The following FAM53A variants were observed in gnomAD, a reference collection of about 807,000 sequenced individuals.
The protein encoded by FAM53A is protein FAM53A.
A neutral mutation model predicts 26.6 loss-of-function variants in FAM53A; 28 were observed. The ratio of observed to expected loss-of-function variants is 1.05; its 90% CI spans 0.78 to 1.45. The LOEUF is 1.45. FAM53A is among the 40% of genes most tolerant of loss of function. The probability of loss-of-function intolerance (pLI) is 0.00; values close to 1 mark genes in which losing one functional copy is unlikely to be tolerated. For missense variants in FAM53A, 650 were observed against 575.8 expected, an observed-to-expected ratio of 1.13 and a Z score of -1.32; for synonymous variants, 290 against 253.1, an observed-to-expected ratio of 1.15 and a Z score of -1.38.
chr4:1,642,601 G>A (rs1379884858), intron 4 of FAM53A, among the ~76,000 whole-genome samples: 1 of 152,176 alleles, frequency 6.6e-6, no homozygotes, highest in Non-Finnish European at 1.5e-5. Flanking sequence ...CCCAGCAGGT[G>A]TGTCCAGCTG....
intron 1 of FAM53A, among the ~76,000 whole-genome samples, chr4:1,682,264 CTTT>C (rs3993306): frequency 2.3e-4 from 30 of 130,264 alleles, no homozygotes; most frequent in Non-Finnish European, 3.5e-4. Flanking sequence ...TTTTAATTTC[CTTT>C]TTTTTTTTTT....
chr4:1,657,467 AACTG>A lies in FAM53A; in HGVS notation c.76-3_76del. 6.2e-7 allele frequency: 1 copy of A among 1,613,646 alleles called. No homozygotes were observed. Among genetic ancestry groups the A allele is most frequent in the Non-Finnish European group, 8.5e-7 (1 of 1,179,784 alleles). ...GTTCAGGGTTTCCGCAGAATACTGC[AACTG>A]ACAGGAAAGAGAAGTTTCAATACTG... On this transcript the variant is annotated splice_acceptor_variant and splice_polypyrimidine_tract_variant and coding_sequence_variant and intron_variant, in exon 3 of 5. Transcript: ENST00000308132. LOFTEE classifies it high-confidence loss of function.
chr4:1,617,506 C>T (rs1330560249), downstream of FAM53A, among the ~76,000 whole-genome samples: 1 of 152,160 alleles, frequency 6.6e-6, no homozygotes, highest in Non-Finnish European at 1.5e-5. Flanking sequence ...TCAAGAATCA[C>T]ATCAGTCGGT....
the FAM53A span, among the ~76,000 whole-genome samples, chr4:1,612,011 G>A: frequency 5.3e-5 from 8 of 152,152 alleles, no homozygotes; most frequent in Admixed American, 1.3e-4. Flanking sequence ...GAAATCTCCC[G>A]GAAAATTTAT....
chr4:1,606,205 A>AT, the FAM53A span, among the ~76,000 whole-genome samples: 1,230 of 143,440 alleles, frequency 8.6e-3, 13 homozygotes, highest in African/African-American at 0.02. Flanking sequence ...CACCTGGATA[A>AT]TTTTTTTTTT....
At chr4:1,622,548 C>G (rs1715088250) in intron 1 of FAM53A, among the ~76,000 whole-genome samples, 1 of 152,236 alleles carries the variant, frequency 6.6e-6, no homozygotes, top group African/African-American at 2.4e-5. Context: ...TACAGCCGGC[C>G]CTCTGTGCCC....
chr4:1,593,893 T>G, the FAM53A span, among the ~76,000 whole-genome samples: 7 of 152,296 alleles, frequency 4.6e-5, no homozygotes, highest in African/African-American at 1.4e-4. Context: ...CAATTAAATT[T>G]AGAACACAAA....
downstream of FAM53A, among the ~76,000 whole-genome samples, chr4:1,638,669 G>T (rs1455819584): frequency 6.6e-6 from 1 of 152,294 alleles, no homozygotes; most frequent in African/African-American, 2.4e-5. Context: ...GAAGGGGAGT[G>T]TCGGAGGGGT....
intron 4 of FAM53A, among the ~76,000 whole-genome samples, chr4:1,643,972 A>G (rs1445176254): frequency 6.6e-6 from 1 of 152,186 alleles, no homozygotes; most frequent in Admixed American, 6.5e-5. Flanking sequence ...CATGGACATC[A>G]CTTGTCCGTA....
At chr4:1,578,305 G>A in the FAM53A span, among the ~76,000 whole-genome samples, 1 of 152,212 alleles carries the variant, frequency 6.6e-6, no homozygotes, top group Non-Finnish European at 1.5e-5. Flanking sequence ...AGCAGCCACT[G>A]CACTAAAACT....
intron 1 of FAM53A, among the ~76,000 whole-genome samples, chr4:1,679,292 T>A (rs1715242219): frequency 7.4e-6 from 1 of 136,020 alleles, no homozygotes; most frequent in South Asian, 2.3e-4. Flanking sequence ...GAGGTCGAAG[T>A]AGAAGAATCA....
At chr4:1,604,144 G>C in the FAM53A span, among the ~76,000 whole-genome samples, 4 of 152,236 alleles carry the variant, frequency 2.6e-5, no homozygotes, top group Non-Finnish European at 1.5e-5. Context: ...CAGGACCCGA[G>C]GAAAGGTTCT....
the FAM53A span, among the ~76,000 whole-genome samples, chr4:1,599,643 C>T: frequency 6.6e-6 from 1 of 152,158 alleles, no homozygotes; most frequent in African/African-American, 2.4e-5. The surrounding 1 kb of genome is among the most constrained non-coding windows in gnomAD (Gnocchi z 6.1). Context: ...CCTAGGCGGG[C>T]CTTGGCCCAG....
chr4:1,658,946 C>T (rs1237829537), intron 2 of FAM53A, among the ~76,000 whole-genome samples: 1 of 152,258 alleles, frequency 6.6e-6, no homozygotes, highest in Admixed American at 6.5e-5. Context: ...TGTGGGGCTC[C>T]TCTGCCACAC....
At chr4:1,626,520 G>C (rs1249881447) in intron 1 of FAM53A, among the ~76,000 whole-genome samples, 1 of 151,708 alleles carries the variant, frequency 6.6e-6, no homozygotes, top group Non-Finnish European at 1.5e-5. Context: ...ACCCGGGACA[G>C]TGTAGACTCT....
chr4:1,674,489 G>A (rs1714895427), intron 1 of FAM53A, among the ~76,000 whole-genome samples: 2 of 152,170 alleles, frequency 1.3e-5, no homozygotes, highest in South Asian at 4.1e-4. Context: ...CTAACACGGT[G>A]AAATCCTGTC....
intron 4 of FAM53A, among the ~76,000 whole-genome samples, chr4:1,643,385 G>C (rs1711929562): frequency 6.6e-6 from 1 of 151,860 alleles, no homozygotes; most frequent in Admixed American, 6.5e-5. Flanking sequence ...AGAATGGCGT[G>C]AACCCGGGAG....
At chr4:1,601,094 A>T in the FAM53A span, among the ~76,000 whole-genome samples, 14 of 152,076 alleles carry the variant, frequency 9.2e-5, no homozygotes, top group Admixed American at 9.2e-4. Flanking sequence ...GCCCTGCCCC[A>T]GCTGCCACAG....
intron 4 of FAM53A, among the ~76,000 whole-genome samples, chr4:1,653,993 C>T (rs1346002522): frequency 6.6e-6 from 1 of 152,234 alleles, no homozygotes; most frequent in African/African-American, 2.4e-5. Context: ...TCTACAGCCC[C>T]CAGAGGCAGG....
Sources: allele counts gnomAD v4.1 joint callset (sites outside exome capture counted in the v4.1 genomes callset), GRCh38; gene constraint gnomAD v4.1.1; non-coding constraint Gnocchi (gnomAD v3.1); transcripts MANE v1.5; gene names NCBI Gene and HGNC (gene_info 2026-07-23, HGNC 2026-07-21).